UNC13B: variants seen among roughly 807,000 people sequenced by gnomAD.
UNC13B encodes the protein protein unc-13 homolog B.
UNC13B carries 144 observed loss-of-function variants against 211.0 expected under a neutral mutation model. The ratio of observed to expected loss-of-function variants is 0.68; its 90% CI spans 0.60 to 0.78. UNC13B has a LOEUF of 0.78. Ranked by LOEUF, UNC13B falls within the 30% of genes least tolerant of loss-of-function variation. UNC13B has a pLI of 0.00. For synonymous variants in UNC13B, 709 were observed against 725.8 expected (o/e 0.98, Z 0.37); for missense variants, 1,777 against 2,002.0 (o/e 0.89, Z 2.14).
intron 23 of UNC13B, 27 bp downstream of exon 23, chr9:35,385,840 G>A: frequency 6.3e-7 from 1 of 1,592,900 alleles, no homozygotes; most frequent in Non-Finnish European, 8.6e-7. Flanking sequence ...GGCTTGGGTG[G>A]TGCTGGGCTG....
chr9:35,299,198 C>T (rs1048772016), intron 8 of UNC13B, among the ~76,000 whole-genome samples: 5 of 152,126 alleles, frequency 3.3e-5, no homozygotes, highest in African/African-American at 9.7e-5. Flanking sequence ...TGCCATTGCA[C>T]TCCAGCCTGG....
At chr9:35,382,591 C>G in intron 21 of UNC13B, 84 bp downstream of exon 21, 2 of 1,460,600 alleles carry the variant, frequency 1.4e-6, no homozygotes, top group Non-Finnish European at 1.8e-6. Flanking sequence ...GAGACAGAGT[C>G]TCGCTCTGTT....
chr9:35,384,981 TGA>T (rs1029119194), intron 22 of UNC13B: 1 of 942,184 alleles, frequency 1.1e-6, no homozygotes, highest in African/African-American at 1.8e-5. Context: ...CAAAAAGAAA[TGA>T]GGTTTTAATT....
intron 17 of UNC13B, among the ~76,000 whole-genome samples, chr9:35,378,945 ACACT>A (rs1834636859): frequency 6.6e-6 from 1 of 152,210 alleles, no homozygotes; most frequent in Non-Finnish European, 1.5e-5. Context: ...CTCAGCTTCT[ACACT>A]CACTCATTTT....
At chr9:35,279,509 T>C (rs959088075) in intron 7 of UNC13B, among the ~76,000 whole-genome samples, 1 of 152,228 alleles carries the variant, frequency 6.6e-6, no homozygotes, top group Admixed American at 6.5e-5. Context: ...TGAACAACAG[T>C]GTACAAGTAT....
At chr9:35,220,852 C>G (rs1824529357) in intron 1 of UNC13B, among the ~76,000 whole-genome samples, 1 of 152,102 alleles carries the variant, frequency 6.6e-6, no homozygotes, top group Non-Finnish European at 1.5e-5. Context: ...TCTATAGTGA[C>G]TCTAATAATT....
At chr9:35,395,923 G>C (rs1835842719) in intron 26 of UNC13B, among the ~76,000 whole-genome samples, 1 of 152,120 alleles carries the variant, frequency 6.6e-6, no homozygotes, top group Non-Finnish European at 1.5e-5. Context: ...GAGCCCTTCA[G>C]TTTGCCTCAA....
At chr9:35,181,729 C>G (rs577147588) in intron 1 of UNC13B, among the ~76,000 whole-genome samples, 1 of 151,862 alleles carries the variant, frequency 6.6e-6, no homozygotes, top group Non-Finnish European at 1.5e-5. Flanking sequence ...TCCAGCTACT[C>G]GGGAGGCTGA....
chr9:35,196,755 TA>T (rs1822965917), intron 1 of UNC13B, among the ~76,000 whole-genome samples: 1 of 152,162 alleles, frequency 6.6e-6, no homozygotes, highest in African/African-American at 2.4e-5. Flanking sequence ...TACTACTTTT[TA>T]AAAATCTATT....
intron 1 of UNC13B, among the ~76,000 whole-genome samples, chr9:35,184,864 A>G (rs954846458): frequency 1.2e-4 from 16 of 138,944 alleles, no homozygotes; most frequent in Non-Finnish European, 2.0e-4. Flanking sequence ...AAAGAAAGAA[A>G]GGGGAGAGGG....
Position 35,301,372 on chromosome 9 carries a change from C to A in UNC13B, c.1968C>A (p.Ser656Arg). ...GTTCAGTTATAAAGTCGGTTTTCAG[C>A]AGGTTAAATCCATTGAAGATCTTTT... The part of the protein sequence containing the change: ...SQSSVIKSVF[S>R]RLNPLKIFSE... The change falls in exon 9 of 40, where the codon AGC becomes AGA. Residue 656 changes from serine (S) to arginine (R), a missense_variant. Ser to Arg is a moderately radical substitution (Grantham distance 110). Transcript: ENST00000635942. The A allele has an allele frequency of 7.5e-6, 3 of 398,550 alleles. No homozygotes were observed. Among genetic ancestry groups the A allele is most frequent in the Non-Finnish European group, 1.3e-5 (3 of 225,920 alleles). 24.7% of individuals were successfully genotyped at this position (398,550 alleles called of 1,614,324 possible).
chr9:35,384,146 T>C, intron 21 of UNC13B, 100 bp from the exon 22 acceptor site: 1 of 1,553,092 alleles, frequency 6.4e-7, no homozygotes, highest in Non-Finnish European at 8.7e-7. Context: ...GCCTCCCGAC[T>C]CTTTCTACTC....
intron 26 of UNC13B, 88 bp from the exon 27 acceptor site, chr9:35,396,388 T>C: frequency 6.5e-7 from 1 of 1,547,686 alleles, no homozygotes; most frequent in South Asian, 1.2e-5. Flanking sequence ...CTGATGGAGC[T>C]GCCTGACCAG....
At chr9:35,247,272 C>G (rs1826159325) in intron 6 of UNC13B, among the ~76,000 whole-genome samples, 1 of 152,156 alleles carries the variant, frequency 6.6e-6, no homozygotes, top group East Asian at 1.9e-4. Flanking sequence ...GTGGGGTTTT[C>G]TAGATATACA....
intron 11 of UNC13B, among the ~76,000 whole-genome samples, chr9:35,346,126 T>C (rs577110216): frequency 1.8e-4 from 27 of 152,320 alleles, no homozygotes; most frequent in Admixed American, 1.5e-3. Context: ...AGAATCCCCA[T>C]ACCTGCTGTG....
intron 11 of UNC13B, among the ~76,000 whole-genome samples, chr9:35,358,474 GTTTTGTT>G (rs1231072339): frequency 6.6e-6 from 1 of 151,982 alleles, no homozygotes; most frequent in Non-Finnish European, 1.5e-5. Flanking sequence ...GTTATTTTCT[GTTTTGTT>G]TTTTTTAAGT....
intron 11 of UNC13B, among the ~76,000 whole-genome samples, chr9:35,337,203 AGAGGAGTGAGTGG>A (rs1831714629): frequency 6.6e-6 from 1 of 152,182 alleles, no homozygotes; most frequent in South Asian, 2.1e-4. Context: ...TCAAGGGTAA[AGAGGAGTGAGTGG>A]GAGGTGGTTC....
intron 6 of UNC13B, among the ~76,000 whole-genome samples, chr9:35,253,406 T>C (rs1214095876): frequency 6.6e-6 from 1 of 152,168 alleles, no homozygotes; most frequent in Non-Finnish European, 1.5e-5. Context: ...AATGGGAGTT[T>C]CTTCAAGTTG....
rs866084209 is a variant in UNC13B at position 35,306,646 on chromosome 9, C to T, written c.7242C>T (p.Pro2414=). The T allele has an allele frequency of 1.5e-5, 6 of 399,000 alleles. No homozygotes were observed. The highest frequency in any genetic ancestry group is 6.3e-4 in the Middle Eastern group (1 of 1,588). The allele number at this position is 399,000 out of a possible 1,614,324, so 24.7% of individuals were successfully genotyped here. Residue 2414 remains proline, a synonymous_variant, in exon 9 of 40, where the codon CCC becomes CCT. Coordinates refer to ENST00000635942, the MANE Select transcript of UNC13B (RefSeq NM_001371189.2). ...DPVNLPLEKA[P]DEVLPQILEP... ...TGAACTTGCCATTAGAAAAGGCCCC[C>T]GATGAGGTCTTACCACAGATCCTAG...
Sources: allele counts gnomAD v4.1 joint callset (sites outside exome capture counted in the v4.1 genomes callset), GRCh38; gene constraint gnomAD v4.1.1; transcripts MANE v1.5; gene names NCBI Gene and HGNC (gene_info 2026-07-23, HGNC 2026-07-21).